The following SUFU variants were observed in gnomAD, a reference collection of about 807,000 sequenced individuals.
The protein encoded by SUFU is SUFU negative regulator of hedgehog signaling.
A neutral mutation model predicts 58.9 loss-of-function variants in SUFU; 7 were observed. The observed-to-expected ratio is 0.12, with a 90% CI of 0.07 to 0.22. The LOEUF (loss-of-function observed/expected upper bound fraction) is 0.22, where lower values mean the gene tolerates loss of function less well. SUFU is among the 10% of genes least tolerant of loss of function. The probability of loss-of-function intolerance (pLI) is 1.00; values close to 1 mark genes in which losing one functional copy is unlikely to be tolerated. For synonymous variants in SUFU, 232 were observed against 254.8 expected (o/e 0.91, Z 0.85); for missense variants, 451 against 641.3 (o/e 0.70, Z 3.20).
At chr10:102,601,258 T>A (rs967651342) in intron 8 of SUFU, among the ~76,000 whole-genome samples, 2 of 152,178 alleles carry the variant, frequency 1.3e-5, no homozygotes, top group Non-Finnish European at 2.9e-5. Context: ...TTCCAGCTAC[T>A]GCACCCCTGG....
At chr10:102,536,642 G>A (rs941764913) in intron 2 of SUFU, among the ~76,000 whole-genome samples, 4 of 152,022 alleles carry the variant, frequency 2.6e-5, no homozygotes, top group Non-Finnish European at 5.9e-5. Flanking sequence ...GATTTCAGGC[G>A]TGAGCCACCA....
chr10:102,613,745 G>A (rs957725518), intron 8 of SUFU, among the ~76,000 whole-genome samples: 1 of 152,264 alleles, frequency 6.6e-6, no homozygotes, highest in African/African-American at 2.4e-5. Flanking sequence ...ATTTCTGGCT[G>A]AGGCAGATTT....
chr10:102,593,971 T>C, intron 5 of SUFU, 22 bp from the exon 6 acceptor site: 1 of 1,613,992 alleles, frequency 6.2e-7, no homozygotes, highest in Non-Finnish European at 8.5e-7. Context: ...GTTACCATTG[T>C]ATCCCCTTTC....
chr10:102,612,209 GCACGCGCA>G (rs1171336551), intron 8 of SUFU, among the ~76,000 whole-genome samples: 1 of 108,758 alleles, frequency 9.2e-6, no homozygotes. Flanking sequence ...GTGTGTGTGT[GCACGCGCA>G]TGTGTGTGTG....
intron 2 of SUFU, among the ~76,000 whole-genome samples, chr10:102,513,575 C>T (rs1034331622): frequency 6.6e-6 from 1 of 152,204 alleles, no homozygotes; most frequent in Non-Finnish European, 1.5e-5. Flanking sequence ...ATAAATGCTA[C>T]AGTCCATGGG....
At chr10:102,519,527 CAAAA>C (rs35007507) in intron 2 of SUFU, among the ~76,000 whole-genome samples, 1 of 127,418 alleles carries the variant, frequency 7.8e-6, no homozygotes, top group African/African-American at 3.0e-5. Context: ...AACTCTGTCT[CAAAA>C]AAAAAAAAAA....
In SUFU at chr10:102,568,616, G is replaced by A. The variant is rs1040142560; in HGVS notation, c.454+18510G>A. Among the ~76,000 whole-genome samples the A allele has an allele frequency of 4.6e-5, 7 of 151,982 alleles. No homozygotes were observed. In the South Asian group the frequency reaches 1.0e-3, roughly 23 times the overall value. Reference sequence around the variant, plus strand: ...CAGCCGGGCACAGTGGCTCACGCCTGTAATCCCAGCACTTTGGAAGGCCAA... The same window carrying A: ...CAGCCGGGCACAGTGGCTCACGCCTATAATCCCAGCACTTTGGAAGGCCAA... On this transcript the variant is annotated intron_variant, in intron 3 of 11. Transcript: ENST00000369902.
chr10:102,512,954 G>A lies in SUFU; in HGVS notation c.317+3651G>A, dbSNP rs115217402. 3.0e-3 allele frequency among the ~76,000 whole-genome samples: 451 copies of A among 151,990 alleles called. 1 individual carries two copies. Among genetic ancestry groups the A allele is most frequent in the African/African-American group, 0.01 (435 of 41,462 alleles). On this transcript the variant is annotated intron_variant, in intron 2 of 11. Transcript: ENST00000369902. ...CATGGTGGTGTGCATCGTAGCCCTA[G>A]CTGCTTGGGGGGCTGAGGTGGGAGG...
chr10:102,531,726 G>A (rs1043454059), intron 2 of SUFU, among the ~76,000 whole-genome samples: 3 of 152,136 alleles, frequency 2.0e-5, no homozygotes, highest in African/African-American at 7.2e-5. Flanking sequence ...AATAGCATAG[G>A]GGATAGTGAT....
chr10:102,573,112 CT>C, intron 3 of SUFU: 10 of 776,208 alleles, frequency 1.3e-5, no homozygotes, highest in Non-Finnish European at 1.9e-5. Context: ...TGCGGATCTT[CT>C]TTTTTTTGTG....
intron 3 of SUFU, among the ~76,000 whole-genome samples, chr10:102,574,877 A>C (rs1341779349): frequency 6.6e-6 from 1 of 152,128 alleles, no homozygotes; most frequent in Non-Finnish European, 1.5e-5. Flanking sequence ...CAATATGGTG[A>C]AACCCTGTCT....
At chr10:102,615,673 C>T (rs1449759511) in intron 9 of SUFU, among the ~76,000 whole-genome samples, 3 of 152,206 alleles carry the variant, frequency 2.0e-5, no homozygotes, top group Non-Finnish European at 4.4e-5. Context: ...TGTGAACCAG[C>T]CAGTCGCCCC....
intron 2 of SUFU, among the ~76,000 whole-genome samples, chr10:102,540,121 C>T (rs2062782295): frequency 6.6e-6 from 1 of 152,118 alleles, no homozygotes; most frequent in Non-Finnish European, 1.5e-5. Flanking sequence ...TCATTTTGTA[C>T]TTTGCCAGCC....
intron 3 of SUFU, among the ~76,000 whole-genome samples, chr10:102,587,909 A>G (rs1303570706): frequency 6.6e-6 from 1 of 152,196 alleles, no homozygotes; most frequent in African/African-American, 2.4e-5. Context: ...ATTTACTCCA[A>G]TGTTTGCTTC....
intron 2 of SUFU, among the ~76,000 whole-genome samples, chr10:102,533,140 G>A (rs1416248466): frequency 6.6e-6 from 1 of 152,118 alleles, no homozygotes; most frequent in Non-Finnish European, 1.5e-5. Flanking sequence ...TAACTCTTGG[G>A]ATTCTGGCCT....
At chr10:102,605,877 T>C (rs1441024994) in intron 8 of SUFU, among the ~76,000 whole-genome samples, 2 of 152,186 alleles carry the variant, frequency 1.3e-5, no homozygotes, top group African/African-American at 4.8e-5. Flanking sequence ...CCCTGGTTCC[T>C]GTTCCTGGGC....
chr10:102,626,347 G>T (rs2063786137), intron 10 of SUFU, among the ~76,000 whole-genome samples: 1 of 152,200 alleles, frequency 6.6e-6, no homozygotes, highest in South Asian at 2.1e-4. Context: ...TTGGACGTTG[G>T]TATTGGCTGT....
At chr10:102,520,219 T>C (rs866579943) in intron 2 of SUFU, among the ~76,000 whole-genome samples, 7,413 of 143,960 alleles carry the variant, frequency 0.051, 369 homozygotes, top group African/African-American at 0.15. Flanking sequence ...TTTCTTTTTT[T>C]TTTTTTTTTT....
In SUFU at chr10:102,625,590, A is replaced by T. The variant is rs1319536509; in HGVS notation, c.1297-1585A>T. ...ATTCGGGAGCAGTACTCCAGGCACT[A>T]AATTGAGAGTCCAGACATGATCAGG... On this transcript the variant is annotated intron_variant, in intron 10 of 11. Coordinates refer to ENST00000369902, the MANE Select transcript of SUFU (RefSeq NM_016169.4). This position sits in a 1 kb window ranked among gnomAD's most constrained non-coding sequence, Gnocchi z 4.7. 2.0e-5 allele frequency among the ~76,000 whole-genome samples: 3 copies of T among 152,150 alleles called. No individual in the cohort carries two copies. The highest frequency in any genetic ancestry group is 4.4e-5 in the Non-Finnish European group (3 of 68,014).
Sources: gnomAD v4.1 joint callset for allele counts (sites outside exome capture counted in the v4.1 genomes callset) on GRCh38, gnomAD v4.1.1 for gene constraint, Gnocchi (gnomAD v3.1) non-coding constraint, MANE v1.5 for transcripts, NCBI Gene and HGNC (gene_info 2026-07-23, HGNC 2026-07-21) for gene names.